PANX1: variants seen among roughly 807,000 people sequenced by gnomAD.
The protein encoded by PANX1 is pannexin-1.
Under a neutral mutation model 38.7 loss-of-function variants are expected in PANX1, and 30 were observed. The ratio of observed to expected loss-of-function variants is 0.78; its 90% CI spans 0.58 to 1.05. PANX1 has a LOEUF of 1.05. Among genes scored for constraint, PANX1 ranks in the 50% least tolerant of loss-of-function variants. The pLI is 0.00. For missense variants in PANX1, 551 were observed against 517.2 expected (o/e 1.07, Z -0.63); for synonymous variants, 230 against 212.2 (o/e 1.08, Z -0.73).
At chr11:94,165,316 T>C (rs1947090270) in intron 2 of PANX1, among the ~76,000 whole-genome samples, 1 of 151,202 alleles carries the variant, frequency 6.6e-6, no homozygotes, top group South Asian at 2.1e-4. Context: ...AATTTCTTGC[T>C]TTTTATTTTT....
At chr11:94,158,872 A>G (rs1012364183) in intron 2 of PANX1, among the ~76,000 whole-genome samples, 17 of 152,136 alleles carry the variant, frequency 1.1e-4, no homozygotes, top group Non-Finnish European at 2.4e-4. Flanking sequence ...TCAGTATGAT[A>G]TCAGCTGTGG....
At chr11:94,172,172 A>G (rs930563294) in intron 2 of PANX1, among the ~76,000 whole-genome samples, 1 of 151,558 alleles carries the variant, frequency 6.6e-6, no homozygotes, top group African/African-American at 2.4e-5. Flanking sequence ...GTGAAAATTC[A>G]GGCTCCCGAG....
chr11:94,150,644 C>T (rs1292097021), intron 1 of PANX1, among the ~76,000 whole-genome samples: 1 of 152,092 alleles, frequency 6.6e-6, no homozygotes, highest in Non-Finnish European at 1.5e-5. Flanking sequence ...TGTGCCGGTC[C>T]CCTGTACCCT....
At chr11:94,170,652 G>A (rs1380782906) in intron 2 of PANX1, among the ~76,000 whole-genome samples, 3 of 151,770 alleles carry the variant, frequency 2.0e-5, no homozygotes, top group East Asian at 1.9e-4. Context: ...AGCTGTTAGG[G>A]TCCTCTCATT....
chr11:94,159,327 G>A (rs1230748275), intron 2 of PANX1, among the ~76,000 whole-genome samples: 3 of 152,162 alleles, frequency 2.0e-5, no homozygotes, highest in Non-Finnish European at 4.4e-5. Flanking sequence ...AGAAGGAATG[G>A]TAACAGCTCC....
intron 2 of PANX1, among the ~76,000 whole-genome samples, chr11:94,154,484 A>G (rs928481383): frequency 2.0e-5 from 3 of 152,220 alleles, no homozygotes; most frequent in Non-Finnish European, 4.4e-5. Context: ...AACAATTAGA[A>G]TGTGTATCTT....
intron 2 of PANX1, among the ~76,000 whole-genome samples, chr11:94,165,400 G>C (rs1018774962): frequency 1.3e-5 from 2 of 151,546 alleles, no homozygotes; most frequent in African/African-American, 4.8e-5. Context: ...ACAACGTGCA[G>C]GTTTGTTACT....
intron 2 of PANX1, among the ~76,000 whole-genome samples, chr11:94,168,878 G>C (rs7124534): frequency 1.3e-5 from 2 of 151,648 alleles, no homozygotes; most frequent in Non-Finnish European, 2.9e-5. Context: ...GTAACAAGAT[G>C]TGCTGATTGG....
Position 94,137,826 on chromosome 11 carries a change from T to C in PANX1, c.181+8333T>C, listed in dbSNP as rs142001309. Among the ~76,000 whole-genome samples the C allele has an allele frequency of 8.7e-3, 1,221 of 140,438 alleles. 24 individuals carry two copies. Among genetic ancestry groups the C allele is most frequent in the African/African-American group, 0.032 (1,157 of 35,982 alleles). 92.1% of individuals were successfully genotyped at this position (140,438 alleles called of 152,430 possible). On this transcript the variant is annotated intron_variant, in intron 1 of 4. Transcript: ENST00000227638. The stretch of plus-strand genomic sequence containing the variant: ...AATATGGAAAATACAGAAGAGAAAA[T>C]AGCAGTACATCTATAATACTACCAG...
At chr11:94,144,816 T>C (rs535451683) in intron 1 of PANX1, among the ~76,000 whole-genome samples, 9 of 152,092 alleles carry the variant, frequency 5.9e-5, no homozygotes, top group Non-Finnish European at 1.3e-4. Flanking sequence ...AATTGCAACT[T>C]GACCAAGTAT....
chr11:94,177,523 A>G (rs1315096535), intron 2 of PANX1, among the ~76,000 whole-genome samples: 1 of 152,204 alleles, frequency 6.6e-6, no homozygotes, highest in Non-Finnish European at 1.5e-5. Context: ...ATGATTGCCC[A>G]AGGCCGCAAT....
chr11:94,156,350 A>C (rs1464906795), intron 2 of PANX1, among the ~76,000 whole-genome samples: 1 of 152,192 alleles, frequency 6.6e-6, no homozygotes, highest in African/African-American at 2.4e-5. Flanking sequence ...TGGCAGTGGA[A>C]GACTGCTTGT....
intron 3 of PANX1, among the ~76,000 whole-genome samples, chr11:94,178,974 G>A (rs1947269817): frequency 6.6e-6 from 1 of 152,202 alleles, no homozygotes; most frequent in African/African-American, 2.4e-5. Flanking sequence ...CAAGGGATGA[G>A]AGAGAAATGG....
At chr11:94,160,716 C>T (rs1042999640) in intron 2 of PANX1, among the ~76,000 whole-genome samples, 2 of 152,240 alleles carry the variant, frequency 1.3e-5, no homozygotes, top group East Asian at 1.9e-4. Flanking sequence ...GAGCATTTAG[C>T]CCATTTACAT....
At chr11:94,131,227 C>T (rs56175344) in intron 1 of PANX1, among the ~76,000 whole-genome samples, 4 of 152,102 alleles carry the variant, frequency 2.6e-5, no homozygotes, top group African/African-American at 9.7e-5. Flanking sequence ...TAGTCACCCT[C>T]TGTGACCAAT....
At chr11:94,141,187 A>C (rs1268447785) in intron 1 of PANX1, among the ~76,000 whole-genome samples, 1 of 152,166 alleles carries the variant, frequency 6.6e-6, no homozygotes, top group African/African-American at 2.4e-5. Flanking sequence ...AGAGGGACAA[A>C]AGTTGTGCAC....
intron 1 of PANX1, among the ~76,000 whole-genome samples, chr11:94,147,436 T>TC (rs1946840167): frequency 6.6e-6 from 1 of 152,196 alleles, no homozygotes; most frequent in Admixed American, 6.5e-5. Flanking sequence ...ATGGGTTTTT[T>TC]CTGTGGTTTA....
At chr11:94,133,300 C>T (rs115700993) in intron 1 of PANX1, among the ~76,000 whole-genome samples, 19 of 152,274 alleles carry the variant, frequency 1.2e-4, no homozygotes, top group Non-Finnish European at 2.1e-4. Flanking sequence ...CTGCCTTGCT[C>T]ATTCACCAGA....
At chr11:94,167,777 G>A (rs1419703370) in intron 2 of PANX1, among the ~76,000 whole-genome samples, 2 of 152,230 alleles carry the variant, frequency 1.3e-5, no homozygotes, top group African/African-American at 4.8e-5. Flanking sequence ...ATGCTGGAAT[G>A]TATGTGCAGT....
Sources: gnomAD v4.1 joint callset for allele counts (sites outside exome capture counted in the v4.1 genomes callset) on GRCh38, gnomAD v4.1.1 for gene constraint, MANE v1.5 for transcripts, NCBI Gene and HGNC (gene_info 2026-07-23, HGNC 2026-07-21) for gene names.